The following JARID2 variants were observed in gnomAD, a reference collection of about 807,000 sequenced individuals.
The protein encoded by JARID2 is protein Jumonji.
JARID2 carries 21 observed loss-of-function variants against 125.6 expected under a neutral mutation model. That is an observed-to-expected ratio of 0.17 (90% CI 0.12 to 0.24). The LOEUF (loss-of-function observed/expected upper bound fraction) is 0.24, where lower values mean the gene tolerates loss of function less well. Ranked by LOEUF, JARID2 falls within the 10% of genes least tolerant of loss-of-function variation. The pLI is 1.00. For synonymous variants in JARID2, 736 were observed against 661.6 expected (o/e 1.11, Z -1.73); for missense variants, 1,303 against 1,639.6 (o/e 0.79, Z 3.55).
intron 1 of JARID2, among the ~76,000 whole-genome samples, chr6:15,275,331 G>A (rs1760454814): frequency 6.6e-6 from 1 of 152,136 alleles, no homozygotes; most frequent in African/African-American, 2.4e-5. Flanking sequence ...CAAAGGCCAT[G>A]TGCACAGCTG....
intron 6 of JARID2, 108 bp downstream of exon 6, chr6:15,487,650 C>A: frequency 3.0e-6 from 3 of 991,288 alleles, no homozygotes; most frequent in South Asian, 1.7e-5. Context: ...GGAGGTGATG[C>A]CCAGAAGCAA....
rs148162518 is a variant in JARID2 at position 15,279,050 on chromosome 6, C to A, written c.45+32466C>A. On this transcript the variant is annotated intron_variant, in intron 1 of 17. Coordinates refer to ENST00000341776, the MANE Select transcript of JARID2 (RefSeq NM_004973.4). ...AGGTTGCAGTGAGCCAAGATCGCAC[C>A]ACTGCACTTCAGCCTGGGAGGCAGA... Among the ~76,000 whole-genome samples the A allele has an allele frequency of 3.3e-3, 494 of 150,872 alleles. 2 individuals are homozygous for A. Among genetic ancestry groups the A allele is most frequent in the Middle Eastern group, 0.01 (3 of 294 alleles).
At chr6:15,471,401 A>G (rs542636056) in intron 5 of JARID2, among the ~76,000 whole-genome samples, 1 of 152,344 alleles carries the variant, frequency 6.6e-6, no homozygotes, top group East Asian at 1.9e-4. Context: ...TAGAGATTGA[A>G]GAGTGAAGAA....
intron 1 of JARID2, among the ~76,000 whole-genome samples, chr6:15,319,076 G>C (rs1382357530): frequency 1.3e-5 from 2 of 152,224 alleles, no homozygotes; most frequent in African/African-American, 4.8e-5. Context: ...TATTTACATA[G>C]AAAGTAAGTA....
chr6:15,496,333 G>C lies in JARID2; in HGVS notation c.1108G>C (p.Ala370Pro). Residue 370 changes from alanine (A) to proline (P), a missense_variant, in exon 7 of 18, where the codon GCT becomes CCT. Ala to Pro is a conservative substitution (Grantham distance 27, BLOSUM62 -1). Around this residue, in one of 11 missense-constraint regions of JARID2, gnomAD observed 651 missense variants for 581.6 expected, o/e 1.12. Coordinates refer to ENST00000341776, the MANE Select transcript of JARID2 (RefSeq NM_004973.4). ...ACCCAATCACCACAAGCCCAGTTCC[G>C]CTGTCAACCACACAATCTCAGGGAA... ...TKPNHHKPSS[A>P]VNHTISGKTE... The C allele has an allele frequency of 3.1e-6, 5 of 1,614,164 alleles. No homozygotes were observed. Among genetic ancestry groups the C allele is most frequent in the Non-Finnish European group, 4.2e-6 (5 of 1,180,042 alleles).
chr6:15,329,621 G>T (rs980208364), intron 1 of JARID2, among the ~76,000 whole-genome samples: 1 of 152,152 alleles, frequency 6.6e-6, no homozygotes, highest in Non-Finnish European at 1.5e-5. Flanking sequence ...AACCGCATGC[G>T]CTCTGTCTAG....
At chr6:15,445,248 T>C (rs1767624107) in intron 3 of JARID2, among the ~76,000 whole-genome samples, 1 of 152,120 alleles carries the variant, frequency 6.6e-6, no homozygotes, top group Non-Finnish European at 1.5e-5. Context: ...GGGAGGGTAT[T>C]ACAAAAGAAA....
intron 4 of JARID2, among the ~76,000 whole-genome samples, chr6:15,460,534 G>A (rs1345380954): frequency 6.6e-6 from 1 of 152,208 alleles, no homozygotes; most frequent in Non-Finnish European, 1.5e-5. Context: ...CTTGCTGACT[G>A]AAGGGGTTTC....
At chr6:15,359,992 A>G (rs1763736155) in intron 1 of JARID2, among the ~76,000 whole-genome samples, 1 of 152,044 alleles carries the variant, frequency 6.6e-6, no homozygotes, top group Non-Finnish European at 1.5e-5. Context: ...TGGCCGACTG[A>G]TGAATTTCTA....
intron 5 of JARID2, among the ~76,000 whole-genome samples, chr6:15,484,496 G>A (rs1239102697): frequency 6.6e-6 from 1 of 150,754 alleles, no homozygotes; most frequent in Non-Finnish European, 1.5e-5. Context: ...CCCACAATCT[G>A]ATTGTGCAGT....
intron 1 of JARID2, among the ~76,000 whole-genome samples, chr6:15,313,319 T>A (rs1254565261): frequency 1.3e-5 from 2 of 152,166 alleles, no homozygotes; most frequent in African/African-American, 4.8e-5. Context: ...TCATTTTTAG[T>A]TGTATGAAGA....
intron 1 of JARID2, among the ~76,000 whole-genome samples, chr6:15,317,644 G>A (rs1762222306): frequency 6.6e-6 from 1 of 152,036 alleles, no homozygotes; most frequent in South Asian, 2.1e-4. Context: ...GTACCCTCTT[G>A]CGTCTCGGAG....
chr6:15,479,083 T>A (rs1769488326), intron 5 of JARID2, among the ~76,000 whole-genome samples: 1 of 152,210 alleles, frequency 6.6e-6, no homozygotes, highest in Non-Finnish European at 1.5e-5. Context: ...CCTTGATTCT[T>A]GCCAGTGATA....
intron 1 of JARID2, among the ~76,000 whole-genome samples, chr6:15,321,780 C>CTTTT (rs1762364439): frequency 1.2e-5 from 1 of 83,704 alleles, no homozygotes; most frequent in African/African-American, 4.6e-5. Flanking sequence ...TGGAAGAATT[C>CTTTT]TTGTTTTTTT....
intron 2 of JARID2, among the ~76,000 whole-genome samples, chr6:15,401,318 C>T (rs1291747472): frequency 6.6e-6 from 1 of 152,212 alleles, no homozygotes; most frequent in South Asian, 2.1e-4. Flanking sequence ...AAGCATTAAG[C>T]TCTGTTGACC....
rs199956706 is a variant in JARID2, at chr6:15,496,788, C to T, written c.1563C>T (p.Ser521=). 1.3e-5 allele frequency: 21 copies of T among 1,611,390 alleles called. No individual in the cohort carries two copies. Among genetic ancestry groups the T allele is most frequent in the Non-Finnish European group, 1.7e-5 (20 of 1,178,818 alleles). Reference sequence around the variant, plus strand: ...CACATGGCAAGGCGGACAGCGCCTCCTGTGAAAATCGTTCTACCTCGCAAC... The same window carrying T: ...CACATGGCAAGGCGGACAGCGCCTCTTGTGAAAATCGTTCTACCTCGCAAC... ...RQAHGKADSA[S]CENRSTSQPE... is the part of the protein sequence containing the mutation. Residue 521 remains serine (S), a synonymous_variant, in exon 7 of 18, where the codon TCC becomes TCT. Transcript: ENST00000341776.
intron 8 of JARID2, among the ~76,000 whole-genome samples, chr6:15,502,509 A>C (rs116611517): frequency 0.015 from 2,342 of 152,222 alleles, 67 homozygotes; most frequent in African/African-American, 0.053. Flanking sequence ...ATCACTAAAC[A>C]CCACCATACC....
At chr6:15,370,838 T>C (rs571368418) in intron 1 of JARID2, among the ~76,000 whole-genome samples, 2 of 152,330 alleles carry the variant, frequency 1.3e-5, no homozygotes, top group South Asian at 4.1e-4. Flanking sequence ...GTAAGGATGA[T>C]TCACCATGAC....
intron 13 of JARID2, among the ~76,000 whole-genome samples, chr6:15,511,871 AGCCTGTGG>A (rs1771296627): frequency 1.3e-5 from 2 of 152,160 alleles, no homozygotes; most frequent in Admixed American, 1.3e-4. Flanking sequence ...TTGTAAGCCC[AGCCTGTGG>A]GCCTGTGGCC....
Sources: allele counts gnomAD v4.1 joint callset (sites outside exome capture counted in the v4.1 genomes callset), GRCh38; gene constraint gnomAD v4.1.1; regional missense constraint gnomAD v4.1.1; transcripts MANE v1.5; gene names NCBI Gene and HGNC (gene_info 2026-07-23, HGNC 2026-07-21).